The following RIMS2 variants were observed in gnomAD, a reference collection of about 807,000 sequenced individuals.
The protein encoded by RIMS2 is regulating synaptic membrane exocytosis 2.
RIMS2 carries 59 observed loss-of-function variants against 174.4 expected under a neutral mutation model. The observed-to-expected ratio is 0.34, with a 90% CI of 0.27 to 0.42. RIMS2 has a LOEUF of 0.42. Ranked by LOEUF, RIMS2 falls within the 10% of genes least tolerant of loss-of-function variation. The probability of loss-of-function intolerance (pLI) is 1.00; values close to 1 mark genes in which losing one functional copy is unlikely to be tolerated. For missense variants in RIMS2, 1,620 were observed against 1,666.3 expected (o/e 0.97, Z 0.48); for synonymous variants, 606 against 572.5 (o/e 1.06, Z -0.84).
intron 1 of RIMS2, among the ~76,000 whole-genome samples, chr8:103,662,488 CT>C (rs755117936): frequency 6.6e-6 from 1 of 152,046 alleles, no homozygotes; most frequent in Non-Finnish European, 1.5e-5. Flanking sequence ...TCTCCAATGT[CT>C]TTTTCAAAGA....
chr8:103,571,416 G>T lies in RIMS2; in HGVS notation c.176+70354G>T, dbSNP rs565902926. 1.5e-3 allele frequency among the ~76,000 whole-genome samples: 222 copies of T among 152,266 alleles called. 1 individual carries two copies. Among genetic ancestry groups the T allele is most frequent in the African/African-American group, 5.0e-3 (209 of 41,556 alleles). ...AAAATACTGTAATAGGATGTTAATG[G>T]AGATGGAATATTAACTTATCAACTA... On this transcript the variant is annotated intron_variant, in intron 1 of 23. Transcript: ENST00000504942.
intron 13 of RIMS2, among the ~76,000 whole-genome samples, chr8:103,940,325 T>A (rs1434871558): frequency 2.0e-5 from 3 of 152,104 alleles, no homozygotes; most frequent in Non-Finnish European, 4.4e-5. Context: ...GGAGAACTCC[T>A]CTATAAAACA....
At chr8:104,022,334 A>G (rs766224821) in intron 19 of RIMS2, among the ~76,000 whole-genome samples, 1 of 152,124 alleles carries the variant, frequency 6.6e-6, no homozygotes, top group Non-Finnish European at 1.5e-5. Context: ...GATTAAAGAC[A>G]GCTTGGAGAT....
At chr8:103,898,700 T>C (rs927121075) in intron 4 of RIMS2, among the ~76,000 whole-genome samples, 8 of 151,544 alleles carry the variant, frequency 5.3e-5, no homozygotes, top group African/African-American at 2.0e-4. Context: ...TTCCCCATTA[T>C]GGTAGTTCTT....
rs557833190 is a variant in RIMS2 at position 103,811,467 on chromosome 8, C to T, written c.698+44930C>T. Among the ~76,000 whole-genome samples, 581 of 152,090 alleles carry T rather than the reference C, an allele frequency of 3.8e-3. 5 individuals carry two copies. Among genetic ancestry groups the T allele is most frequent in the Non-Finnish European group, 6.1e-3 (414 of 67,970 alleles). ...TAAATTAATTAATTTATTTTTGAGT[C>T]GGAGTCTCACTCTGTCACCCAGGCT... On this transcript the variant is annotated intron_variant, in intron 3 of 23. Transcript: ENST00000504942.
In RIMS2 at chr8:104,111,661, C is replaced by A. The variant is rs1221096067; in HGVS notation, c.3334+97046C>A. Reference sequence around the variant, plus strand: ...GACCGCGTGATCCACCTGCCTCAGCCTACCAAACTGCTGGGATTACAGGCA... The same window carrying A: ...GACCGCGTGATCCACCTGCCTCAGCATACCAAACTGCTGGGATTACAGGCA... On this transcript the variant is annotated intron_variant, in intron 19 of 23. Coordinates refer to ENST00000504942, the Ensembl canonical transcript of RIMS2. Among the ~76,000 whole-genome samples, 11 of 152,296 alleles carry A rather than the reference C, an allele frequency of 7.2e-5. No homozygotes were observed. The East Asian group carries it at 2.1e-3, about 29-fold the overall frequency.
chr8:103,501,227 T>C (rs894379006), intron 1 of RIMS2, among the ~76,000 whole-genome samples, 165 bp downstream of exon 1: 4 of 151,496 alleles, frequency 2.6e-5, no homozygotes, highest in African/African-American at 7.3e-5. Flanking sequence ...GTTTTAGGGG[T>C]GTCTGAGAGC....
chr8:104,043,941 G>A (rs1381932343), intron 19 of RIMS2, among the ~76,000 whole-genome samples: 2 of 151,534 alleles, frequency 1.3e-5, no homozygotes, highest in African/African-American at 4.8e-5. Flanking sequence ...GAACATAAAA[G>A]GCATAGACTT....
chr8:103,882,096 G>A (rs923997570), intron 3 of RIMS2, among the ~76,000 whole-genome samples: 1 of 151,344 alleles, frequency 6.6e-6, no homozygotes, highest in African/African-American at 2.4e-5. Flanking sequence ...TATAACAGAT[G>A]AATTAAATAC....
At chr8:104,096,561 C>T (rs890327906) in intron 19 of RIMS2, among the ~76,000 whole-genome samples, 9 of 152,128 alleles carry the variant, frequency 5.9e-5, no homozygotes, top group Non-Finnish European at 8.8e-5. Context: ...GAAGTATCAA[C>T]GGCAATTGCT....
chr8:104,073,416 G>A (rs528353273), intron 19 of RIMS2, among the ~76,000 whole-genome samples: 139 of 152,186 alleles, frequency 9.1e-4, no homozygotes, highest in African/African-American at 3.0e-3. Flanking sequence ...ATGTTTATTG[G>A]CACAGTATTT....
chr8:103,569,787 TA>T (rs1294828616), intron 1 of RIMS2, among the ~76,000 whole-genome samples: 4 of 140,986 alleles, frequency 2.8e-5, no homozygotes, highest in African/African-American at 8.1e-5. Flanking sequence ...TGGCTAATTT[TA>T]ATTTTTTTTT....
intron 19 of RIMS2, among the ~76,000 whole-genome samples, chr8:104,109,900 A>ATTTTATTTT: frequency 6.6e-6 from 1 of 152,282 alleles, no homozygotes; most frequent in Non-Finnish European, 1.5e-5. Context: ...TTATTTCTTA[A>ATTTTATTTT]ATTGCCTTCA....
intron 3 of RIMS2, among the ~76,000 whole-genome samples, chr8:103,771,905 T>C (rs1383350963): frequency 6.6e-6 from 1 of 152,090 alleles, no homozygotes; most frequent in Non-Finnish European, 1.5e-5. Context: ...ATTTTTCTGC[T>C]TAAATGATGA....
At chr8:103,653,815 A>G (rs1394390501) in intron 1 of RIMS2, among the ~76,000 whole-genome samples, 2 of 152,114 alleles carry the variant, frequency 1.3e-5, no homozygotes, top group East Asian at 3.8e-4. Context: ...GTAGTTCTCA[A>G]ATTGGAACTT....
intron 19 of RIMS2, among the ~76,000 whole-genome samples, chr8:104,104,488 A>ATG (rs2097991332): frequency 6.6e-6 from 1 of 152,220 alleles, no homozygotes; most frequent in Non-Finnish European, 1.5e-5. Context: ...TCAGTGCTAA[A>ATG]TAAGAAGGAA....
chr8:103,935,320 T>C (rs1326617797), intron 12 of RIMS2, among the ~76,000 whole-genome samples: 1 of 152,210 alleles, frequency 6.6e-6, no homozygotes, highest in African/African-American at 2.4e-5. Flanking sequence ...CATTGCATGT[T>C]ATCTTTTCCA....
At chr8:103,892,989 G>A (rs936079810) in intron 4 of RIMS2, among the ~76,000 whole-genome samples, 1 of 151,836 alleles carries the variant, frequency 6.6e-6, no homozygotes, top group African/African-American at 2.4e-5. Context: ...ATTGATGAGA[G>A]ACATAAAAGA....
intron 3 of RIMS2, among the ~76,000 whole-genome samples, chr8:103,838,994 G>A (rs551993561): frequency 3.1e-4 from 47 of 152,140 alleles, no homozygotes; most frequent in African/African-American, 1.1e-3. Context: ...GAACCCGGGA[G>A]GTGGAGCTTG....
Sources: allele counts gnomAD v4.1 joint callset (sites outside exome capture counted in the v4.1 genomes callset), GRCh38; gene constraint gnomAD v4.1.1; transcripts MANE v1.5; gene names NCBI Gene and HGNC (gene_info 2026-07-23, HGNC 2026-07-21).